PTPN5: variants seen among roughly 807,000 people sequenced by gnomAD.
PTPN5 encodes the protein protein tyrosine phosphatase non-receptor type 5, also known as tyrosine-protein phosphatase non-receptor type 5.
PTPN5 carries 29 observed loss-of-function variants against 73.9 expected under a neutral mutation model. The observed-to-expected ratio is 0.39, with a 90% confidence interval of 0.29 to 0.54. The LOEUF (loss-of-function observed/expected upper bound fraction) is 0.54, where lower values mean the gene tolerates loss of function less well. Ranked by LOEUF, PTPN5 falls within the 20% of genes least tolerant of loss-of-function variation. The pLI, the probability that PTPN5 is intolerant of heterozygous loss-of-function variation, is 0.65. For synonymous variants in PTPN5, 267 were observed against 304.7 expected (o/e 0.88, Z 1.29); for missense variants, 652 against 751.4 (o/e 0.87, Z 1.55).
intron 2 of PTPN5, among the ~76,000 whole-genome samples, chr11:18,770,763 TG>T (rs1300455230): frequency 6.6e-6 from 1 of 152,222 alleles, no homozygotes; most frequent in Non-Finnish European, 1.5e-5. Context: ...TTCGTATGTG[TG>T]AAGGTAATGC....
intron 1 of PTPN5, among the ~76,000 whole-genome samples, chr11:18,791,239 C>T (rs1393058915): frequency 6.6e-6 from 1 of 152,224 alleles, no homozygotes; most frequent in Non-Finnish European, 1.5e-5. Flanking sequence ...GCTCAGACCC[C>T]AAACCACTAT....
chr11:18,737,410 G>C (rs1355686276), intron 9 of PTPN5, among the ~76,000 whole-genome samples: 3 of 152,042 alleles, frequency 2.0e-5, no homozygotes, highest in Non-Finnish European at 4.4e-5. Context: ...CTTACAATTC[G>C]ACCACACTCC....
rs537279051 is a variant in PTPN5, at chr11:18,746,254, C to T, written c.98-2055G>A. 3.6e-3 allele frequency among the ~76,000 whole-genome samples: 498 copies of T among 136,464 alleles called. 3 individuals carry two copies. The highest frequency in any genetic ancestry group is 0.013 in the South Asian group (57 of 4,266). 89.5% of individuals were successfully genotyped at this position (136,464 alleles called of 152,430 possible). ...TCACCCAGGCTGGAGTGCAGTGGTGCAATCTTGGCTCACTGCAACCTCCGC... is the reference window on the plus strand; with the variant it reads ...TCACCCAGGCTGGAGTGCAGTGGTGTAATCTTGGCTCACTGCAACCTCCGC... On this transcript the variant is annotated intron_variant, in intron 3 of 14. Coordinates refer to ENST00000358540, the MANE Select transcript of PTPN5 (RefSeq NM_006906.2).
Position 18,740,750 on chromosome 11 carries a change from C to G in PTPN5, c.768G>C (p.Pro256=), listed in dbSNP as rs367543229. 13 of 1,594,188 alleles carry G rather than the reference C, an allele frequency of 8.2e-6. No homozygotes were observed. Among genetic ancestry groups the G allele is most frequent in the Middle Eastern group, 3.3e-4 (2 of 6,024 alleles). ...AGCCAAAGCCCTCCTCGTTGCAGCC[C>G]GGAGTGCACATGTCCAGGGTCAGGG... ...NVSLTLDMCT[P]GCNEEGFGYL... The change falls in exon 8 of 15, where the codon CCG becomes CCC. Residue 256 remains proline, a synonymous_variant. Transcript: ENST00000358540.
intron 1 of PTPN5, among the ~76,000 whole-genome samples, chr11:18,775,701 G>A (rs1851116684): frequency 6.6e-6 from 1 of 152,214 alleles, no homozygotes; most frequent in Non-Finnish European, 1.5e-5. Context: ...AGGCTACTGT[G>A]TGACCTTGGG....
chr11:18,735,762 C>A, intron 9 of PTPN5, among the ~76,000 whole-genome samples: 2 of 144,688 alleles, frequency 1.4e-5, no homozygotes, highest in South Asian at 2.2e-4. Flanking sequence ...GAGACTCTGT[C>A]TCCCCCAAAA....
In PTPN5 at chr11:18,742,565, A is replaced by T. The variant is rs1849417694; in HGVS notation, c.484-62T>A. 2.5e-6 allele frequency: 4 copies of T among 1,591,796 alleles called. No homozygotes were observed. In the African/African-American group the frequency reaches 5.4e-5, roughly 21 times the overall value. Reference sequence around the variant, plus strand: ...CGCTGGCTGCCCCCCGTGTTCCTGGAGTGCCCATGGGATTGACGCCCCCCC... The same window carrying T: ...CGCTGGCTGCCCCCCGTGTTCCTGGTGTGCCCATGGGATTGACGCCCCCCC... On this transcript the variant is annotated intron_variant, in intron 6 of 14. Transcript: ENST00000358540. This position sits in a 1 kb window ranked among gnomAD's most constrained non-coding sequence, Gnocchi z 4.1.
intron 9 of PTPN5, among the ~76,000 whole-genome samples, chr11:18,735,682 T>C (rs1442721524): frequency 6.6e-6 from 1 of 151,460 alleles, no homozygotes; most frequent in East Asian, 1.9e-4. Flanking sequence ...CAGAAATTGC[T>C]TGAACCCAGG....
intron 9 of PTPN5, among the ~76,000 whole-genome samples, chr11:18,736,785 A>C (rs955792162): frequency 2.1e-4 from 32 of 152,106 alleles, no homozygotes; most frequent in African/African-American, 7.7e-4. Flanking sequence ...GTCTGCTCCC[A>C]CCTTCCCCCA....
chr11:18,762,624 T>G (rs934065738), intron 3 of PTPN5, among the ~76,000 whole-genome samples: 7 of 152,196 alleles, frequency 4.6e-5, no homozygotes, highest in African/African-American at 7.2e-5. Context: ...CTATTAACCA[T>G]ACTATGTGGC....
At chr11:18,756,606 G>C (rs949354256) in intron 3 of PTPN5, among the ~76,000 whole-genome samples, 2 of 151,586 alleles carry the variant, frequency 1.3e-5, no homozygotes, top group Non-Finnish European at 2.9e-5. Context: ...CATCCTTCAG[G>C]TTTTAACCAC....
At chr11:18,772,134 T>C in intron 1 of PTPN5, 63 bp from the exon 2 acceptor site, 1 of 547,640 alleles carries the variant, frequency 1.8e-6, no homozygotes, top group South Asian at 2.6e-5. Flanking sequence ...GTGCCAACAA[T>C]TTGCTTTCAG....
At chr11:18,783,777 G>A (rs879425785) in intron 1 of PTPN5, among the ~76,000 whole-genome samples, 1 of 152,234 alleles carries the variant, frequency 6.6e-6, no homozygotes, top group Non-Finnish European at 1.5e-5. Flanking sequence ...CCTTGTGGTC[G>A]TGTTGATTGC....
intron 2 of PTPN5, among the ~76,000 whole-genome samples, chr11:18,766,827 C>T (rs1850665883): frequency 6.6e-6 from 1 of 152,176 alleles, no homozygotes; most frequent in South Asian, 2.1e-4. Context: ...ATGACTGATC[C>T]AAGGCTGAAC....
At position 18,787,846 on chromosome 11, in the gene PTPN5, T is replaced by C. The variant is rs60976951; in HGVS notation, c.-114+3679A>G. Reference sequence around the variant, plus strand: ...GGAAGTTCGTCTTTTTAGCAACGTATCCCTAGGGGCTAGAACAACCTGGCA... The same window carrying C: ...GGAAGTTCGTCTTTTTAGCAACGTACCCCTAGGGGCTAGAACAACCTGGCA... On this transcript the variant is annotated intron_variant, in intron 1 of 14. Coordinates refer to ENST00000358540, the MANE Select transcript of PTPN5 (RefSeq NM_006906.2). 5.1e-3 allele frequency among the ~76,000 whole-genome samples: 780 copies of C among 152,324 alleles called. 11 individuals are homozygous for C. Among genetic ancestry groups the C allele is most frequent in the African/African-American group, 0.018 (750 of 41,560 alleles).
In PTPN5 at chr11:18,729,053, G is replaced by T. The variant is rs1848750542; in HGVS notation, c.1605-26C>A. The T allele has an allele frequency of 6.2e-7, 1 of 1,611,282 alleles. No individual in the cohort carries two copies. Among genetic ancestry groups the T allele is most frequent in the Non-Finnish European group, 8.5e-7 (1 of 1,179,026 alleles). On this transcript the variant is annotated intron_variant, in intron 14 of 14. Transcript: ENST00000358540. This position sits in a 1 kb window ranked among gnomAD's most constrained non-coding sequence, Gnocchi z 5.2. ...CTGCCCGGCAGAGATGCACAGTGGG[G>T]GCAGGGTCGTGGAGGGATGGGCTGT...
rs371630924 is a variant in PTPN5 at position 18,771,949 on chromosome 11, C to T, written c.10G>A (p.Glu4Lys). 1.5e-5 allele frequency: 23 copies of T among 1,585,412 alleles called. No individual in the cohort carries two copies. In the African/African-American group the frequency reaches 2.1e-4, roughly 14 times the overall value. The stretch of plus-strand genomic sequence containing the variant: ...TAAACGCTCACTCACCTGGCTCCCT[C>T]ATAATTCATTCCCAAGGTGTCTGGA... MNY[E>K]GARSERENHA... is the part of the protein sequence containing the mutation. Residue 4 changes from glutamate (E) to lysine (K), a missense_variant, in exon 2 of 15, where the codon GAG becomes AAG. Glu to Lys is a moderately conservative substitution (Grantham distance 56, BLOSUM62 1). Transcript: ENST00000358540.
At chr11:18,789,483 A>C (rs1353300247) in intron 1 of PTPN5, among the ~76,000 whole-genome samples, 1 of 152,176 alleles carries the variant, frequency 6.6e-6, no homozygotes, top group Non-Finnish European at 1.5e-5. Flanking sequence ...AAATCCCTAC[A>C]TGGCAAAAAC....
intron 1 of PTPN5, among the ~76,000 whole-genome samples, chr11:18,783,369 T>C (rs975814687): frequency 3.3e-5 from 5 of 152,230 alleles, no homozygotes; most frequent in African/African-American, 1.2e-4. Flanking sequence ...AGCACTGTTT[T>C]ACATCATGGG....
Sources: allele counts gnomAD v4.1 joint callset (sites outside exome capture counted in the v4.1 genomes callset), GRCh38; gene constraint gnomAD v4.1.1; non-coding constraint Gnocchi (gnomAD v3.1); transcripts MANE v1.5; gene names NCBI Gene and HGNC (gene_info 2026-07-23, HGNC 2026-07-21).